GON4L: variants seen among roughly 807,000 people sequenced by gnomAD.
GON4L encodes gon-4 like, also known as GON-4-like protein.
A neutral mutation model predicts 211.8 loss-of-function variants in GON4L; 87 were observed. The ratio of observed to expected loss-of-function variants is 0.41; its 90% CI spans 0.35 to 0.49. The LOEUF is 0.49. Among genes scored for constraint, GON4L ranks in the 20% least tolerant of loss-of-function variants. The pLI is 0.15. For missense variants in GON4L, 2,155 were observed against 2,659.5 expected (o/e 0.81, Z 4.17); for synonymous variants, 875 against 962.6 (o/e 0.91, Z 1.68).
At chr1:155,757,399 C>A in intron 25 of GON4L, 76 bp from the exon 26 acceptor site, 1 of 1,260,628 alleles carries the variant, frequency 7.9e-7, no homozygotes, top group Non-Finnish European at 1.1e-6. Context: ...ATCCCACATA[C>A]TTCCATGTTC....
At position 155,775,312 on chromosome 1, in the gene GON4L, A is replaced by G; in HGVS notation, c.2179-139T>C. 2.7e-6 allele frequency: 3 copies of G among 1,120,294 alleles called. 1 individual carries two copies. The South Asian group carries it at 4.0e-5, about 15-fold the overall frequency. The allele number at this position is 1,120,294 out of a possible 1,614,324, so 69.4% of individuals were successfully genotyped here. ...AAATCATCATAAAGTCTTTCACAATAAACTACTCTGTTAAGATTATGCCTG... is the reference window on the plus strand; with the variant it reads ...AAATCATCATAAAGTCTTTCACAATGAACTACTCTGTTAAGATTATGCCTG... On this transcript the variant is annotated intron_variant, in intron 16 of 31. Transcript: ENST00000368331.
chr1:155,784,612 C>G, intron 13 of GON4L: 1 of 169,860 alleles, frequency 5.9e-6, no homozygotes, highest in Non-Finnish European at 1.3e-5. Flanking sequence ...AAACTCCTGA[C>G]CTCAGATGAT....
At chr1:155,847,131 G>A (rs1671322348) in intron 2 of GON4L, among the ~76,000 whole-genome samples, 1 of 152,206 alleles carries the variant, frequency 6.6e-6, no homozygotes, top group Non-Finnish European at 1.5e-5. Context: ...CTGACTCCGT[G>A]AGTTGAACAC....
At chr1:155,851,563 A>G (rs1216111807) in intron 2 of GON4L, among the ~76,000 whole-genome samples, 1 of 151,634 alleles carries the variant, frequency 6.6e-6, no homozygotes, top group Non-Finnish European at 1.5e-5. Context: ...TAAAAATACA[A>G]AAATTAGCTG....
intron 10 of GON4L, among the ~76,000 whole-genome samples, chr1:155,808,614 A>G (rs537911038): frequency 1.3e-5 from 2 of 151,992 alleles, no homozygotes; most frequent in Middle Eastern, 3.4e-3. Flanking sequence ...CATCTCCTCA[A>G]AGAGGCCTTT....
At chr1:155,789,862 A>G (rs1249829832) in intron 12 of GON4L, among the ~76,000 whole-genome samples, 5 of 152,150 alleles carry the variant, frequency 3.3e-5, no homozygotes, top group Admixed American at 6.5e-5. Flanking sequence ...ATCTACACAC[A>G]TCCTCCTGTA....
chr1:155,768,340 A>G (rs1175487600), intron 19 of GON4L, among the ~76,000 whole-genome samples: 1 of 147,204 alleles, frequency 6.8e-6, no homozygotes, highest in African/African-American at 2.5e-5. Flanking sequence ...GGCCAGGCGC[A>G]GTGGCTCACC....
intron 2 of GON4L, among the ~76,000 whole-genome samples, chr1:155,842,102 C>G (rs547339792): frequency 1.3e-5 from 2 of 152,202 alleles, no homozygotes; most frequent in South Asian, 4.2e-4. Context: ...CTCACTATAC[C>G]TTCCCCCCGC....
At chr1:155,763,976 C>A (rs1461116248) in intron 21 of GON4L, among the ~76,000 whole-genome samples, 2 of 150,528 alleles carry the variant, frequency 1.3e-5, no homozygotes, top group African/African-American at 2.4e-5. Context: ...GCACTCCAAT[C>A]CGGGAGACAG....
At chr1:155,822,612 T>C (rs1668833653) in intron 3 of GON4L, 136 bp from the exon 4 acceptor site, 1 of 714,910 alleles carries the variant, frequency 1.4e-6, no homozygotes, top group Non-Finnish European at 2.5e-6. Flanking sequence ...AGGACACATA[T>C]TATATGACGG....
At chr1:155,842,441 G>GCACT in intron 2 of GON4L, among the ~76,000 whole-genome samples, 1 of 148,488 alleles carries the variant, frequency 6.7e-6, no homozygotes, top group South Asian at 2.2e-4. Context: ...GGAGAATGGT[G>GCACT]TGAACCCGGG....
At chr1:155,805,277 T>C in intron 10 of GON4L, 136 bp from the exon 11 acceptor site, 1 of 675,484 alleles carries the variant, frequency 1.5e-6, no homozygotes, top group Non-Finnish European at 2.7e-6. Context: ...TTTGAGAAAC[T>C]TTAAGAAACA....
Position 155,757,177 on chromosome 1 carries a change from T to C in GON4L, c.5397+3A>G. The C allele has an allele frequency of 1.2e-6, 2 of 1,613,940 alleles. No individual in the cohort carries two copies. The highest frequency in any genetic ancestry group is 1.7e-6 in the Non-Finnish European group (2 of 1,179,874). On this transcript the variant is annotated splice_donor_region_variant and intron_variant, in intron 26 of 31. Transcript: ENST00000368331. Reference sequence around the variant, plus strand: ...AAGGCTACAGCAGCCTTAGGTCCTATACCTCATACTCCTTTTCCTCAGTCC... The same window carrying C: ...AAGGCTACAGCAGCCTTAGGTCCTACACCTCATACTCCTTTTCCTCAGTCC...
chr1:155,812,241 T>G (rs1380339983), intron 10 of GON4L, among the ~76,000 whole-genome samples: 1 of 152,120 alleles, frequency 6.6e-6, no homozygotes, highest in Non-Finnish European at 1.5e-5. Context: ...CACACATCAC[T>G]CTTCCAGTAT....
intron 11 of GON4L, among the ~76,000 whole-genome samples, chr1:155,798,866 G>A (rs372512279): frequency 3.9e-5 from 6 of 152,064 alleles, no homozygotes; most frequent in African/African-American, 7.2e-5. Context: ...ATGGGTCAGC[G>A]AATATTATTC....
At chr1:155,821,606 C>A in intron 4 of GON4L, 58 bp from the exon 5 acceptor site, 1 of 940,114 alleles carries the variant, frequency 1.1e-6, no homozygotes, top group South Asian at 1.3e-5. Flanking sequence ...AGACAATACT[C>A]ATCTCTCCAT....
At chr1:155,846,883 C>T (rs527446541) in intron 2 of GON4L, among the ~76,000 whole-genome samples, 87 of 152,048 alleles carry the variant, frequency 5.7e-4, no homozygotes, top group Admixed American at 4.1e-3. Flanking sequence ...TGGTGGCACA[C>T]GGCTGTAGTC....
intron 3 of GON4L, among the ~76,000 whole-genome samples, chr1:155,822,857 G>A (rs1668857572): frequency 6.6e-6 from 1 of 152,200 alleles, no homozygotes; most frequent in Admixed American, 6.5e-5. Context: ...GTGCAATGGT[G>A]CAATCTCGGC....
intron 14 of GON4L, among the ~76,000 whole-genome samples, 180 bp downstream of exon 14, chr1:155,783,806 C>T (rs1664656652): frequency 6.6e-6 from 1 of 152,216 alleles, no homozygotes; most frequent in Admixed American, 6.6e-5. Flanking sequence ...TGGCCTACAG[C>T]TGCACTGCCC....
Sources: gnomAD v4.1 joint callset for allele counts (sites outside exome capture counted in the v4.1 genomes callset) on GRCh38, gnomAD v4.1.1 for gene constraint, MANE v1.5 for transcripts, NCBI Gene and HGNC (gene_info 2026-07-23, HGNC 2026-07-21) for gene names.